SETD2: variants seen among roughly 807,000 people sequenced by gnomAD.
The protein encoded by SETD2 is SET domain containing 2, histone lysine methyltransferase.
In SETD2, 31 loss-of-function variants were observed where a neutral mutation model predicts 242.1. The ratio of observed to expected loss-of-function variants is 0.13; its 90% CI spans 0.10 to 0.17. The LOEUF (loss-of-function observed/expected upper bound fraction) is 0.17. SETD2 is among the 10% of genes least tolerant of loss of function. The pLI, the probability that SETD2 is intolerant of heterozygous loss-of-function variation, is 1.00. For missense variants in SETD2, 2,481 were observed against 3,046.3 expected (o/e 0.81, Z 4.37); for synonymous variants, 1,006 against 1,066.5 (o/e 0.94, Z 1.11).
At chr3:47,076,264 C>T (rs2041072936) in intron 12 of SETD2, among the ~76,000 whole-genome samples, 1 of 152,178 alleles carries the variant, frequency 6.6e-6, no homozygotes, top group Non-Finnish European at 1.5e-5. Flanking sequence ...CAGAGGTCTA[C>T]TGCCTGTCTA....
At chr3:47,092,700 T>G (rs887809700) in intron 9 of SETD2, among the ~76,000 whole-genome samples, 15 of 152,048 alleles carry the variant, frequency 9.9e-5, no homozygotes, top group African/African-American at 3.6e-4. Context: ...TTTTAAATAC[T>G]TCTTGATGGA....
rs191903745 is a variant in SETD2 at position 47,130,627 on chromosome 3, A to T, written c.72-3964T>A. 1.3e-4 allele frequency among the ~76,000 whole-genome samples: 20 copies of T among 152,318 alleles called. No homozygotes were observed. In the East Asian group the frequency reaches 3.7e-3, roughly 28 times the overall value. ...GTTTTTGAAGAAAGGTTGATGAAAC[A>T]AGGGTATAGAAACAAGAAGTTAAGA... is the stretch of plus-strand genomic sequence containing the variant. On this transcript the variant is annotated intron_variant, in intron 1 of 20. Transcript: ENST00000409792.
intron 15 of SETD2, among the ~76,000 whole-genome samples, chr3:47,050,805 A>G (rs1222092192): frequency 7.5e-6 from 1 of 133,482 alleles, no homozygotes; most frequent in Non-Finnish European, 1.5e-5. Context: ...ATCTCAGCTC[A>G]TTGCAACCTC....
At chr3:47,143,681 A>G (rs1011844012) in intron 1 of SETD2, among the ~76,000 whole-genome samples, 1 of 152,112 alleles carries the variant, frequency 6.6e-6, no homozygotes, top group African/African-American at 2.4e-5. Context: ...CATTGGTTTT[A>G]TATCTCAAAT....
intron 18 of SETD2, among the ~76,000 whole-genome samples, chr3:47,030,149 G>GA (rs1228198889): frequency 6.6e-6 from 1 of 150,458 alleles, no homozygotes; most frequent in Non-Finnish European, 1.5e-5. Flanking sequence ...ACCCTGTCTT[G>GA]AAAAAAAATA....
rs1267301409 is a variant in SETD2, at chr3:47,083,834, A to C, written c.5946T>G (p.Asp1982Glu). The C allele has an allele frequency of 6.2e-7, 1 of 1,613,952 alleles. No homozygotes were observed. Among genetic ancestry groups the C allele is most frequent in the Non-Finnish European group, 8.5e-7 (1 of 1,179,914 alleles). The change falls in exon 12 of 21, where the codon GAT becomes GAG. Residue 1982 changes from aspartate (D) to glutamate (E), a missense_variant. By Grantham distance (45) the Asp-to-Glu change is conservative. Coordinates refer to ENST00000409792, the MANE Select transcript of SETD2 (RefSeq NM_014159.7). ...EPINEETPSQ[D>E]EEEGVSDVES... ...CCACATCAGACACACCCTCCTCTTC[A>C]TCTTGGGATGGTGTTTCTTCATTAA...
At chr3:47,138,902 T>C (rs2043657265) in intron 1 of SETD2, among the ~76,000 whole-genome samples, 1 of 152,174 alleles carries the variant, frequency 6.6e-6, no homozygotes, top group Non-Finnish European at 1.5e-5. Flanking sequence ...TCAATAGCTA[T>C]GGTGGTCTCT....
intron 1 of SETD2, among the ~76,000 whole-genome samples, chr3:47,151,884 C>T (rs1276517487): frequency 6.7e-6 from 1 of 150,056 alleles, no homozygotes; most frequent in Non-Finnish European, 1.5e-5. Flanking sequence ...GAAGGAAGAG[C>T]ACCAAATACT....
chr3:47,132,338 C>G, intron 1 of SETD2, among the ~76,000 whole-genome samples: 1 of 152,022 alleles, frequency 6.6e-6, no homozygotes, highest in South Asian at 2.1e-4. Context: ...ACTACAAAAA[C>G]TAGCCAGGTG....
chr3:47,122,612 C>T lies in SETD2; in HGVS notation c.2024G>A (p.Gly675Glu), dbSNP rs568134733. 3.1e-6 allele frequency: 5 copies of T among 1,613,964 alleles called. No homozygotes were observed. In the East Asian group the frequency reaches 8.9e-5, roughly 29 times the overall value. ...SFCPIELNIN[G>E]SPGAESDLAT... ...CAAATCAGATTCTGCCCCAGGAGAT[C>T]CATTTATATTTAATTCTATGGGACA... Residue 675 changes from glycine to glutamate, a missense_variant, in exon 3 of 21, where the codon GGA becomes GAA. Physicochemically the swap from Gly to Glu is moderately conservative, Grantham distance 98. Transcript: ENST00000409792.
chr3:47,138,683 A>G (rs1450282143), intron 1 of SETD2, among the ~76,000 whole-genome samples: 1 of 152,056 alleles, frequency 6.6e-6, no homozygotes, highest in Non-Finnish European at 1.5e-5. Context: ...GGCCTCCCAA[A>G]GTGCTAGGAT....
chr3:47,057,167 G>A lies in SETD2; in HGVS notation c.6617C>T (p.Ala2206Val), dbSNP rs1252670264. The change falls in exon 15 of 21, where the codon GCT (alanine) becomes GTT (valine). Residue 2206 changes from alanine to valine, a missense_variant. This residue lies in a region of SETD2 where 235 missense variants were observed against 293.9 expected (regional missense o/e 0.80). Transcript: ENST00000409792. ...PVCSPAPYDHAQPLVGHSTEP... is the reference protein window; with the variant it reads ...PVCSPAPYDHVQPLVGHSTEP... ...TGTAGAATGTCCCACCAAGGGCTGA[G>A]CATGATCATAAGGAGCAGGAGAACA... 1 of 1,614,166 alleles carries A rather than the reference G, an allele frequency of 6.2e-7. No individual in the cohort carries two copies. Among genetic ancestry groups the A allele is most frequent in the East Asian group, 2.2e-5 (1 of 44,890 alleles).
At chr3:47,080,943 C>T (rs1052933760) in intron 12 of SETD2, 24 of 987,002 alleles carry the variant, frequency 2.4e-5, no homozygotes, top group Non-Finnish European at 2.8e-5. Flanking sequence ...CATCATCCAA[C>T]TTCCCAACCA....
intron 8 of SETD2, among the ~76,000 whole-genome samples, chr3:47,100,056 C>T (rs959172233): frequency 6.6e-5 from 10 of 150,504 alleles, no homozygotes; most frequent in Non-Finnish European, 1.5e-4. Flanking sequence ...GATTCTCCTG[C>T]CTCAGCCTCC....
intron 18 of SETD2, among the ~76,000 whole-genome samples, chr3:47,024,396 T>C (rs991493271): frequency 6.6e-6 from 1 of 152,166 alleles, no homozygotes; most frequent in African/African-American, 2.4e-5. Context: ...TGCTATAACC[T>C]GGGAGGCAGA....
intron 15 of SETD2, among the ~76,000 whole-genome samples, chr3:47,050,374 C>T (rs1051055745): frequency 1.3e-5 from 2 of 152,148 alleles, no homozygotes; most frequent in Non-Finnish European, 1.5e-5. Flanking sequence ...AAGAATTTTT[C>T]ACCTCCATAA....
At chr3:47,083,599 G>A in intron 12 of SETD2, 121 bp downstream of exon 12, 3 of 906,094 alleles carry the variant, frequency 3.3e-6, no homozygotes, top group Non-Finnish European at 3.4e-6. Context: ...AACAGTAAGA[G>A]AGACAGTATT....
At chr3:47,129,712 C>A (rs1439335631) in intron 1 of SETD2, among the ~76,000 whole-genome samples, 1 of 151,928 alleles carries the variant, frequency 6.6e-6, no homozygotes, top group Non-Finnish European at 1.5e-5. Flanking sequence ...GTGGGGAAAC[C>A]CCATCTCTAC....
chr3:47,088,048 T>C, intron 10 of SETD2, 65 bp downstream of exon 10: 3 of 1,447,178 alleles, frequency 2.1e-6, no homozygotes, highest in East Asian at 4.6e-5. Context: ...TCCTTCTTCA[T>C]TCATCTTCAT....
Sources: gnomAD v4.1 joint callset for allele counts (sites outside exome capture counted in the v4.1 genomes callset) on GRCh38, gnomAD v4.1.1 for gene constraint, gnomAD v4.1.1 regional missense constraint, MANE v1.5 for transcripts, NCBI Gene and HGNC (gene_info 2026-07-23, HGNC 2026-07-21) for gene names.